EPC2: variants seen among roughly 807,000 people sequenced by gnomAD.
EPC2 encodes the protein enhancer of polycomb 2.
Under a neutral mutation model 92.1 loss-of-function variants are expected in EPC2, and 14 were observed. The ratio of observed to expected loss-of-function variants is 0.15; its 90% CI spans 0.10 to 0.24. The LOEUF (loss-of-function observed/expected upper bound fraction) is 0.24, where lower values mean the gene tolerates loss of function less well. EPC2 is among the 10% of genes least tolerant of loss of function. EPC2 has a pLI of 1.00. For missense variants in EPC2, 755 were observed against 971.5 expected (o/e 0.78, Z 2.96); for synonymous variants, 340 against 334.7 (o/e 1.02, Z -0.17).
intron 4 of EPC2, among the ~76,000 whole-genome samples, chr2:148,760,213 C>T (rs1574627372): frequency 1.3e-5 from 2 of 152,262 alleles, no homozygotes; most frequent in South Asian, 4.1e-4. Flanking sequence ...GCTGAGATCA[C>T]ACCACTGCAC....
chr2:148,674,591 G>A (rs1445116065), intron 1 of EPC2, among the ~76,000 whole-genome samples: 6 of 152,178 alleles, frequency 3.9e-5, no homozygotes, highest in Admixed American at 2.0e-4. Flanking sequence ...GGTATCCAAA[G>A]TATACCAGTC....
At chr2:148,722,145 C>T (rs1047919077) in intron 2 of EPC2, among the ~76,000 whole-genome samples, 4 of 151,910 alleles carry the variant, frequency 2.6e-5, no homozygotes, top group African/African-American at 4.8e-5. Flanking sequence ...TTTAATGATG[C>T]GGTTTTATGG....
At chr2:148,648,762 A>C (rs1016354974) in intron 1 of EPC2, among the ~76,000 whole-genome samples, 1 of 152,196 alleles carries the variant, frequency 6.6e-6, no homozygotes, top group African/African-American at 2.4e-5. Flanking sequence ...ATTCTGACTG[A>C]GTTACATTCT....
chr2:148,781,713 A>G lies in EPC2; in HGVS notation c.1790A>G (p.Gln597Arg), dbSNP rs767537124. ...CAGTTAGTTCAGATGCAAAGGCAGC[A>G]ACTTGCCCAGCTTCAGCAGAAACAG... The part of the protein sequence containing the change: ...QQQLVQMQRQ[Q>R]LAQLQQKQQS... Residue 597 changes from glutamine to arginine, a missense_variant, in exon 11 of 14, where the codon CAA becomes CGA. Physicochemically the swap from Gln to Arg is conservative, Grantham distance 43 (BLOSUM62 1). This residue lies in a region of EPC2 where 207 missense variants were observed against 260.5 expected (regional missense o/e 0.79). Transcript: ENST00000258484. 1.2e-6 allele frequency: 2 copies of G among 1,613,912 alleles called. No homozygotes were observed. Among genetic ancestry groups the G allele is most frequent in the East Asian group, 2.2e-5 (1 of 44,892 alleles).
At chr2:148,754,556 T>G (rs1187695507) in intron 4 of EPC2, among the ~76,000 whole-genome samples, 1 of 152,190 alleles carries the variant, frequency 6.6e-6, no homozygotes, top group African/African-American at 2.4e-5. Context: ...CTACTATTCC[T>G]TGTTGCTCGC....
chr2:148,757,869 A>G (rs1229497309), intron 4 of EPC2, among the ~76,000 whole-genome samples: 4 of 151,814 alleles, frequency 2.6e-5, no homozygotes, highest in Non-Finnish European at 4.4e-5. Context: ...AAAATAAAAT[A>G]CTGTATAAAA....
At chr2:148,761,015 G>T (rs1430281989) in intron 4 of EPC2, among the ~76,000 whole-genome samples, 1 of 152,088 alleles carries the variant, frequency 6.6e-6, no homozygotes, top group African/African-American at 2.4e-5. Context: ...AGGAATCTGT[G>T]GATGTTTAAC....
chr2:148,765,497 A>G (rs562977460), intron 7 of EPC2, among the ~76,000 whole-genome samples: 1 of 152,304 alleles, frequency 6.6e-6, no homozygotes. Context: ...ATAATTGTAA[A>G]TATTGAAAAT....
intron 4 of EPC2, among the ~76,000 whole-genome samples, chr2:148,761,537 CTT>C (rs1683300627): frequency 6.6e-6 from 1 of 152,120 alleles, no homozygotes; most frequent in South Asian, 2.1e-4. Flanking sequence ...GAAATTATCT[CTT>C]TATGCCATTC....
At chr2:148,749,522 A>T (rs1683047841) in intron 3 of EPC2, among the ~76,000 whole-genome samples, 2 of 151,172 alleles carry the variant, frequency 1.3e-5, no homozygotes, top group Non-Finnish European at 2.9e-5. Context: ...TGTTTACTTG[A>T]TACTGCATTA....
chr2:148,689,216 C>T (rs557758360), intron 1 of EPC2, among the ~76,000 whole-genome samples: 7 of 151,024 alleles, frequency 4.6e-5, no homozygotes, highest in Admixed American at 1.3e-4. Flanking sequence ...CTCGCTGTGT[C>T]GCCCAGGCTG....
chr2:148,773,440 C>T (rs1475018167), intron 10 of EPC2, among the ~76,000 whole-genome samples: 1 of 151,950 alleles, frequency 6.6e-6, no homozygotes, highest in Non-Finnish European at 1.5e-5. Context: ...CAATACAGTA[C>T]CATTTCTTTC....
At chr2:148,647,713 A>G (rs772966980) in intron 1 of EPC2, among the ~76,000 whole-genome samples, 8 of 141,670 alleles carry the variant, frequency 5.6e-5, no homozygotes, top group Non-Finnish European at 9.0e-5. Context: ...GCTCACTGCA[A>G]CCTTCGCCTC....
intron 1 of EPC2, among the ~76,000 whole-genome samples, chr2:148,652,558 A>G (rs974692440): frequency 1.3e-5 from 2 of 152,212 alleles, no homozygotes; most frequent in Admixed American, 6.5e-5. Context: ...TTTGTGAAAT[A>G]GAATTGGACT....
intron 2 of EPC2, among the ~76,000 whole-genome samples, chr2:148,710,389 A>G: frequency 6.6e-6 from 1 of 152,222 alleles, no homozygotes. Context: ...GAACACTTTT[A>G]CACTGTTGGT....
chr2:148,755,010 G>A (rs1683159282), intron 4 of EPC2, among the ~76,000 whole-genome samples: 1 of 152,142 alleles, frequency 6.6e-6, no homozygotes, highest in Admixed American at 6.5e-5. Flanking sequence ...CATTTTCTGT[G>A]GATTCTCCTA....
chr2:148,772,121 C>T (rs1683535641), intron 10 of EPC2, among the ~76,000 whole-genome samples: 2 of 152,120 alleles, frequency 1.3e-5, no homozygotes, highest in South Asian at 2.1e-4. Context: ...AATTTTTGTC[C>T]AATAGCTTAC....
chr2:148,694,575 C>G (rs1355363164), intron 2 of EPC2, among the ~76,000 whole-genome samples: 1 of 152,138 alleles, frequency 6.6e-6, no homozygotes, highest in Non-Finnish European at 1.5e-5. Context: ...AATTTTCATT[C>G]CTCTTGGAGT....
At chr2:148,761,472 A>T (rs181845911) in intron 4 of EPC2, among the ~76,000 whole-genome samples, 4 of 152,202 alleles carry the variant, frequency 2.6e-5, no homozygotes, top group Non-Finnish European at 4.4e-5. Flanking sequence ...TGAATGGACT[A>T]CATTTTCTGA....
Sources: gnomAD v4.1 joint callset for allele counts (sites outside exome capture counted in the v4.1 genomes callset) on GRCh38, gnomAD v4.1.1 for gene constraint, gnomAD v4.1.1 regional missense constraint, MANE v1.5 for transcripts, NCBI Gene and HGNC (gene_info 2026-07-23, HGNC 2026-07-21) for gene names.